CDCA7L: variants seen among roughly 807,000 people sequenced by gnomAD.
CDCA7L encodes cell division cycle-associated 7-like protein.
CDCA7L carries 44 observed loss-of-function variants against 57.4 expected under a neutral mutation model. The ratio of observed to expected loss-of-function variants is 0.77; its 90% CI spans 0.60 to 0.98. The LOEUF is 0.98. CDCA7L is among the 50% of genes least tolerant of loss of function. The probability of loss-of-function intolerance (pLI) is 0.00; values close to 1 mark genes in which losing one functional copy is unlikely to be tolerated. For missense variants in CDCA7L, 644 were observed against 580.6 expected (o/e 1.11, Z -1.12); for synonymous variants, 236 against 202.8 (o/e 1.16, Z -1.39).
Position 21,914,783 on chromosome 7 carries a change from T to C in CDCA7L, c.165+1971A>G, listed in dbSNP as rs374348491. ...TTTCATCACTTGCAAAACTGCAGCT[T>C]CCCAGGGAGGTCTGTGGATTAAATG... On this transcript the variant is annotated intron_variant, in intron 2 of 9. Transcript: ENST00000406877. Among the ~76,000 whole-genome samples the C allele has an allele frequency of 7.9e-5, 12 of 152,300 alleles. No individual in the cohort carries two copies. The East Asian group carries it at 9.6e-4, about 12-fold the overall frequency.
At chr7:21,931,372 T>C (rs1479506058) in intron 1 of CDCA7L, among the ~76,000 whole-genome samples, 1 of 152,184 alleles carries the variant, frequency 6.6e-6, no homozygotes, top group Admixed American at 6.5e-5. Flanking sequence ...GATTTTCACA[T>C]TGGCAATAAA....
chr7:21,934,596 G>A (rs867706042), intron 1 of CDCA7L, among the ~76,000 whole-genome samples: 1 of 152,108 alleles, frequency 6.6e-6, no homozygotes, highest in Non-Finnish European at 1.5e-5. Context: ...AAATTTAAAT[G>A]TGTTAAACTC....
intron 2 of CDCA7L, among the ~76,000 whole-genome samples, chr7:21,913,569 C>T (rs1285391940): frequency 6.6e-6 from 1 of 152,196 alleles, no homozygotes; most frequent in Non-Finnish European, 1.5e-5. Flanking sequence ...CACCTGAGGC[C>T]TCTCAGTGCA....
intron 7 of CDCA7L, 93 bp from the exon 8 acceptor site, chr7:21,904,352 G>C (rs1785061768): frequency 8.1e-7 from 1 of 1,233,224 alleles, no homozygotes; most frequent in African/African-American, 1.5e-5. Flanking sequence ...AGTATATGAA[G>C]AAATACCCCC....
intron 1 of CDCA7L, among the ~76,000 whole-genome samples, chr7:21,943,810 T>C: frequency 6.6e-6 from 1 of 152,168 alleles, no homozygotes; most frequent in East Asian, 1.9e-4. Flanking sequence ...AATTTGTGGG[T>C]AACCCCTACA....
At position 21,900,909 on chromosome 7, in the gene CDCA7L, C is replaced by A; in HGVS notation, c.*1413G>T. 2 of 1,475,368 alleles carry A rather than the reference C, an allele frequency of 1.4e-6. No individual in the cohort carries two copies. Among genetic ancestry groups the A allele is most frequent in the African/African-American group, 1.4e-5 (1 of 69,378 alleles). 91.4% of individuals were successfully genotyped at this position (1,475,368 alleles called of 1,614,324 possible). A position where few individuals can be genotyped will look rare whatever the true frequency, so the allele number is the denominator to read the frequency against. On this transcript the variant is annotated 3_prime_UTR_variant, in exon 10 of 10. Transcript: ENST00000406877. ...ACTGACAAGCAAAAATATGACAAAA[C>A]CAGAATGTTGAATGTTTATTGCATC...
chr7:21,902,703 TGTTC>T (rs1158320691), intron 9 of CDCA7L: 3 of 429,788 alleles, frequency 7.0e-6, no homozygotes, highest in Non-Finnish European at 4.2e-6. Flanking sequence ...CTTGTTTGTT[TGTTC>T]CTTCCATTTC....
chr7:21,906,313 G>C lies in CDCA7L; in HGVS notation c.897C>G (p.Ser299Arg). Reference protein sequence around the residue: ...SAAKFAEEFYSFRRRKTIGGK... With the variant: ...SAAKFAEEFYRFRRRKTIGGK... ...CCCCAATTGTCTTCCTTCTTCGGAA[G>C]CTGTAAAACTCTTCCGCAAATTTAG... Residue 299 changes from serine (S) to arginine (R), a missense_variant, in exon 6 of 10, where the codon AGC becomes AGG. Transcript: ENST00000406877. The C allele has an allele frequency of 1.3e-6, 2 of 1,599,808 alleles. No individual in the cohort carries two copies. The highest frequency in any genetic ancestry group is 1.7e-6 in the Non-Finnish European group (2 of 1,174,900).
intron 2 of CDCA7L, among the ~76,000 whole-genome samples, chr7:21,916,120 G>A (rs12700326): frequency 0.15 from 23,165 of 152,096 alleles, 2,147 homozygotes; most frequent in Non-Finnish European, 0.21. Flanking sequence ...CTGCCTTTTT[G>A]GAGAGGCCAT....
intron 1 of CDCA7L, among the ~76,000 whole-genome samples, chr7:21,937,262 C>T (rs1187437358): frequency 6.6e-6 from 1 of 152,160 alleles, no homozygotes; most frequent in African/African-American, 2.4e-5. Context: ...CTCTCAGTGA[C>T]TTCTTTCGTA....
At chr7:21,926,512 T>C (rs1785832743) in intron 1 of CDCA7L, among the ~76,000 whole-genome samples, 1 of 152,186 alleles carries the variant, frequency 6.6e-6, no homozygotes, top group Non-Finnish European at 1.5e-5. Context: ...AAGGAAGCTA[T>C]ACAAATGACA....
At position 21,908,308 on chromosome 7, in the gene CDCA7L, G is replaced by C. The variant is rs771498809; in HGVS notation, c.503C>G (p.Ser168Cys). ...DKNSSSEQLF[S>C]SARLQNEKKT... ...TTTCTCATTCTGTAAGCGTGCGCTA[G>C]AAAACAACTGCTCGGAAGAACTGTT... Residue 168 changes from serine to cysteine, a missense_variant, in exon 4 of 10, where the codon TCT becomes TGT. Ser to Cys is a moderately radical substitution (Grantham distance 112). Coordinates refer to ENST00000406877, the MANE Select transcript of CDCA7L (RefSeq NM_018719.5). 7 of 1,610,288 alleles carry C rather than the reference G, an allele frequency of 4.3e-6. No homozygotes were observed. Among genetic ancestry groups the C allele is most frequent in the African/African-American group, 4.0e-5 (3 of 74,378 alleles).
chr7:21,922,075 T>C (rs1177840158), intron 1 of CDCA7L, among the ~76,000 whole-genome samples: 1 of 152,172 alleles, frequency 6.6e-6, no homozygotes, highest in Non-Finnish European at 1.5e-5. Context: ...TTGTAGCCAT[T>C]TTCTTAAGAA....
At chr7:21,915,655 AAAAAC>A (rs1562626962) in intron 2 of CDCA7L, among the ~76,000 whole-genome samples, 2 of 123,728 alleles carry the variant, frequency 1.6e-5, no homozygotes, top group Admixed American at 9.2e-5. Context: ...AAAAAAAAAA[AAAAAC>A]ACACACACAC....
chr7:21,901,315 C>G lies in CDCA7L; in HGVS notation c.*1007G>C. 1 of 1,513,998 alleles carries G rather than the reference C, an allele frequency of 6.6e-7. No individual in the cohort carries two copies. The highest frequency in any genetic ancestry group is 8.8e-7 in the Non-Finnish European group (1 of 1,131,646). 93.8% of individuals were successfully genotyped at this position (1,513,998 alleles called of 1,614,324 possible). A position where few individuals can be genotyped will look rare whatever the true frequency, so the allele number is the denominator to read the frequency against. On this transcript the variant is annotated 3_prime_UTR_variant, in exon 10 of 10. Coordinates refer to ENST00000406877, the MANE Select transcript of CDCA7L (RefSeq NM_018719.5). The stretch of plus-strand genomic sequence containing the variant: ...GCAGTGAGGATTTTCTAGCATGTTG[C>G]TGCACTGTTCCCATGCACATTATTC...
At chr7:21,940,366 AACAATACT>A in intron 1 of CDCA7L, 8 of 908,082 alleles carry the variant, frequency 8.8e-6, no homozygotes, top group Non-Finnish European at 1.1e-5. Flanking sequence ...GTATATTACT[AACAATACT>A]ACTTTGCCCT....
chr7:21,941,792 T>C (rs1786348014), intron 1 of CDCA7L, among the ~76,000 whole-genome samples: 1 of 152,222 alleles, frequency 6.6e-6, no homozygotes, highest in Admixed American at 6.5e-5. Flanking sequence ...CACAACCTAC[T>C]TCACAGAACT....
chr7:21,939,213 A>T (rs1453188206), intron 1 of CDCA7L, among the ~76,000 whole-genome samples: 3 of 152,160 alleles, frequency 2.0e-5, no homozygotes, highest in Non-Finnish European at 4.4e-5. Context: ...CATAGGGGTA[A>T]TTGTTTAGTA....
intron 1 of CDCA7L, among the ~76,000 whole-genome samples, chr7:21,917,107 A>G (rs1188296532): frequency 6.6e-6 from 1 of 152,174 alleles, no homozygotes; most frequent in East Asian, 1.9e-4. Flanking sequence ...TTAAAATTCT[A>G]GATATACACC....
Sources: allele counts gnomAD v4.1 joint callset (sites outside exome capture counted in the v4.1 genomes callset), GRCh38; gene constraint gnomAD v4.1.1; transcripts MANE v1.5; gene names NCBI Gene and HGNC (gene_info 2026-07-23, HGNC 2026-07-21).